PARP10: variants seen among roughly 807,000 people sequenced by gnomAD.
PARP10 encodes protein mono-ADP-ribosyltransferase PARP10.
In PARP10, 56 loss-of-function variants were observed where a neutral mutation model predicts 82.4. The observed-to-expected ratio is 0.68, with a 90% CI of 0.55 to 0.85. PARP10 has a LOEUF of 0.85. Among genes scored for constraint, PARP10 ranks in the 40% least tolerant of loss-of-function variants. The probability of loss-of-function intolerance (pLI) is 0.00; values close to 1 mark genes in which losing one functional copy is unlikely to be tolerated. For missense variants in PARP10, 1,227 were observed against 1,379.4 expected, an observed-to-expected ratio of 0.89 and a Z score of 1.75; for synonymous variants, 576 against 601.1, an observed-to-expected ratio of 0.96 and a Z score of 0.61.
chr8:143,987,867 G>A (rs1834019125), upstream of PARP10, among the ~76,000 whole-genome samples: 1 of 151,784 alleles, frequency 6.6e-6, no homozygotes, highest in Non-Finnish European at 1.5e-5. Flanking sequence ...CTCCAACCAA[G>A]GTGATAGAGT....
upstream of PARP10, chr8:143,992,660 G>C: frequency 5.6e-6 from 9 of 1,613,904 alleles, no homozygotes; most frequent in Non-Finnish European, 7.6e-6. Context: ...AGGCAGGCTT[G>C]TCCCTCAACA....
chr8:143,985,873 C>T lies in PARP10; in HGVS notation c.284G>A (p.Gly95Glu). Reference protein sequence around the residue: ...PRAPARLLLQGLPPGTTPQRL... With the variant: ...PRAPARLLLQELPPGTTPQRL... ...CTGGGGCGTGGTGCCAGGGGGCAGT[C>T]CTTGGAGCAGCAGGCGTGCAGGGGC... Residue 95 changes from glycine to glutamate, a missense_variant, in exon 3 of 11, where the codon GGA becomes GAA. Physicochemically the swap from Gly to Glu is moderately conservative, Grantham distance 98. Coordinates refer to ENST00000313028, the MANE Select transcript of PARP10 (RefSeq NM_032789.5). 6.2e-7 allele frequency: 1 copy of T among 1,604,284 alleles called. No individual in the cohort carries two copies. Among genetic ancestry groups the T allele is most frequent in the South Asian group, 1.1e-5 (1 of 90,474 alleles).
chr8:143,983,965 G>A, intron 7 of PARP10, 43 bp downstream of exon 7: 1 of 1,485,822 alleles, frequency 6.7e-7, no homozygotes, highest in Non-Finnish European at 9.0e-7. Context: ...GTGAGGTCAA[G>A]TGAGGGCCAC....
upstream of PARP10, chr8:143,992,651 G>C (rs1554750757): frequency 6.2e-7 from 1 of 1,613,936 alleles, no homozygotes; most frequent in East Asian, 2.2e-5. Flanking sequence ...ATGCTGGGCA[G>C]GCAGGCTTGT....
Position 143,977,750 on chromosome 8 carries a change from C to G in PARP10, c.2812G>C (p.Asp938His). 1 of 1,603,414 alleles carries G rather than the reference C, an allele frequency of 6.2e-7. No individual in the cohort carries two copies. The highest frequency in any genetic ancestry group is 8.5e-7 in the Non-Finnish European group (1 of 1,175,786). The change falls in exon 11 of 11, where the codon GAT (aspartate) becomes CAT (histidine). Residue 938 changes from aspartate to histidine, a missense_variant. Transcript: ENST00000313028. ...GCCACGAACACCGCCTTATGGCCAT[C>G]GGCGTTGGGGGGCGAGTAGCGGTCC... ...VQDRYSPPNA[D>H]GHKAVFVARV...
Position 143,985,431 on chromosome 8 carries a change from G to A in PARP10, c.654C>T (p.Ala218=), listed in dbSNP as rs781997278. ...ACTCACCTTGCCACTGCTGGAAGGAGGCAACAGTGCCCAGGGGCCCGGGTA... is the reference window on the plus strand; with the variant it reads ...ACTCACCTTGCCACTGCTGGAAGGAAGCAACAGTGCCCAGGGGCCCGGGTA... ...QRLPGPLGTV[A]SFQQWQVAER... The change falls in exon 4 of 11, where the codon GCC becomes GCT. Residue 218 remains alanine (A), a synonymous_variant. Transcript: ENST00000313028. The A allele has an allele frequency of 6.2e-7, 1 of 1,610,912 alleles. No individual in the cohort carries two copies. The highest frequency in any genetic ancestry group is 1.1e-5 in the South Asian group (1 of 90,646).
rs781886694 is a variant in PARP10, at chr8:143,977,912, C to A, written c.2726G>T (p.Arg909Leu). 6.2e-7 allele frequency: 1 copy of A among 1,601,716 alleles called. No homozygotes were observed. The highest frequency in any genetic ancestry group is 1.1e-5 in the South Asian group (1 of 90,872). Residue 909 changes from arginine (R) to leucine (L), a missense_variant, in exon 10 of 11, where the codon CGC becomes CTC. Transcript: ENST00000313028. Reference protein sequence around the residue: ...AHGFNRSFCGRNATVYGKGVY... With the variant: ...AHGFNRSFCGLNATVYGKGVY... ...CTGCCCGGCTCAGGCCTCACCGTTG[C>A]GGCCGCAGAAGCTGCGGTTGAAGCC...
Position 143,984,888 on chromosome 8 carries a change from C to G in PARP10, c.1114G>C (p.Glu372Gln), listed in dbSNP as rs1554748832. 6.2e-7 allele frequency: 1 copy of G among 1,613,978 alleles called. No individual in the cohort carries two copies. The highest frequency in any genetic ancestry group is 8.5e-7 in the Non-Finnish European group (1 of 1,179,972). The change falls in exon 5 of 11, where the codon GAA becomes CAA. Residue 372 changes from glutamate (E) to glutamine (Q), a missense_variant. Transcript: ENST00000313028. ...LVSLRPVGLQ[E>Q]QEGPMSLGPV... is the part of the protein sequence containing the mutation. ...CCCAGGCTCATGGGCCCCTCCTGTT[C>G]CTGCAACCCCACAGGCCTCAGGCTT...
At chr8:143,995,690 G>C (rs772810595), upstream of PARP10, among the ~76,000 whole-genome samples, 1 of 151,900 alleles carries the variant, frequency 6.6e-6, no homozygotes, top group Non-Finnish European at 1.5e-5. Context: ...TAGAGGCCTT[G>C]GTGTTGCTAG....
chr8:144,000,037 A>G (rs1241279817), intron 1 of PARP10, among the ~76,000 whole-genome samples: 3 of 152,186 alleles, frequency 2.0e-5, no homozygotes, highest in Admixed American at 2.0e-4. Flanking sequence ...CCGGTAAGAC[A>G]TCGACCCATA....
chr8:143,991,187 C>T (rs1260455247), upstream of PARP10: 2 of 1,498,190 alleles, frequency 1.3e-6, no homozygotes, highest in African/African-American at 1.4e-5. Flanking sequence ...TGTTCCTTGT[C>T]TGTCTTCTCT....
rs1389898097 is a variant in PARP10 at position 144,008,728 on chromosome 8, C to T, written c.-80+3802G>A. On this transcript the variant is annotated intron_variant, in intron 1 of 3. Coordinates refer to the PARP10 transcript ENST00000530478. This position sits in a 1 kb window ranked among gnomAD's most constrained non-coding sequence, Gnocchi z 4.0. The stretch of plus-strand genomic sequence containing the variant: ...GTCTCTCACTCCCCAGACTCTAGCC[C>T]CCAGACATGTCATCCAAATGGATGT... 6.6e-6 allele frequency among the ~76,000 whole-genome samples: 1 copy of T among 152,156 alleles called. No individual in the cohort carries two copies. The highest frequency in any genetic ancestry group is 2.4e-5 in the African/African-American group (1 of 41,412).
At chr8:143,996,180 G>A (rs943840932) in intron 1 of PARP10, among the ~76,000 whole-genome samples, 1 of 152,212 alleles carries the variant, frequency 6.6e-6, no homozygotes, top group Non-Finnish European at 1.5e-5. Flanking sequence ...TGTCCCCGGG[G>A]CTTCACAAGG....
At chr8:143,991,955 G>C, upstream of PARP10, 1 of 1,613,874 alleles carries the variant, frequency 6.2e-7, no homozygotes, top group Non-Finnish European at 8.5e-7. Flanking sequence ...CGGAGGTGAA[G>C]GGCTTTGTCC....
Position 144,012,600 on chromosome 8 carries a change from C to T in PARP10, c.-150G>A, listed in dbSNP as rs1273848629. 1.3e-5 allele frequency: 20 copies of T among 1,551,624 alleles called. No homozygotes were observed. In the Admixed American group the frequency reaches 2.0e-4, roughly 15 times the overall value. ...AAATGAGGAACTGAAGAAGTTGGTGCGGCTCATTCGGGAGAATCACGAGCT... is the reference window on the plus strand; with the variant it reads ...AAATGAGGAACTGAAGAAGTTGGTGTGGCTCATTCGGGAGAATCACGAGCT... On this transcript the variant is annotated 5_prime_UTR_variant, in exon 1 of 4. Coordinates refer to the PARP10 transcript ENST00000530478.
At chr8:143,994,933 G>C (rs1834153354), upstream of PARP10, among the ~76,000 whole-genome samples, 1 of 148,084 alleles carries the variant, frequency 6.8e-6, no homozygotes, top group South Asian at 2.1e-4. Context: ...TGTTTATGTG[G>C]CTAACGAGAA....
intron 1 of PARP10, among the ~76,000 whole-genome samples, chr8:143,997,751 C>G (rs1331798261): frequency 6.6e-6 from 1 of 151,968 alleles, no homozygotes; most frequent in Non-Finnish European, 1.5e-5. Flanking sequence ...GCAACCAACT[C>G]CCACTCTTAA....
In PARP10 at chr8:144,008,710, A is replaced by C. The variant is rs1554752229; in HGVS notation, c.-80+3820T>G. Among the ~76,000 whole-genome samples, 1 of 152,046 alleles carries C rather than the reference A, an allele frequency of 6.6e-6. No individual in the cohort carries two copies. The highest frequency in any genetic ancestry group is 1.5e-5 in the Non-Finnish European group (1 of 68,020). Reference sequence around the variant, plus strand: ...AGCATAGAGAGGCCCAGTGTCTCTCACTCCCCAGACTCTAGCCCCCAGACA... The same window carrying C: ...AGCATAGAGAGGCCCAGTGTCTCTCCCTCCCCAGACTCTAGCCCCCAGACA... On this transcript the variant is annotated intron_variant, in intron 1 of 3. Transcript: ENST00000530478. The surrounding 1 kb of genome is among the most constrained non-coding windows in gnomAD (Gnocchi z 4.0).
Position 144,011,676 on chromosome 8 carries a change from A to C in PARP10, c.-80+854T>G, listed in dbSNP as rs781899805. ...AGTCCTGAGTTCTTAGAACCAGGTGAGGGATGCAGTCTTGGGCTCCTGAAG... is the reference window on the plus strand; with the variant it reads ...AGTCCTGAGTTCTTAGAACCAGGTGCGGGATGCAGTCTTGGGCTCCTGAAG... On this transcript the variant is annotated intron_variant, in intron 1 of 3. Transcript: ENST00000530478. The surrounding 1 kb of genome is among the most constrained non-coding windows in gnomAD (Gnocchi z 4.5). Among the ~76,000 whole-genome samples the C allele has an allele frequency of 6.6e-6, 1 of 152,138 alleles. No individual in the cohort carries two copies. The highest frequency in any genetic ancestry group is 1.5e-5 in the Non-Finnish European group (1 of 68,016).
Sources: gnomAD v4.1 joint callset for allele counts (sites outside exome capture counted in the v4.1 genomes callset) on GRCh38, gnomAD v4.1.1 for gene constraint, Gnocchi (gnomAD v3.1) non-coding constraint, MANE v1.5 for transcripts, NCBI Gene and HGNC (gene_info 2026-07-23, HGNC 2026-07-21) for gene names.